The following ARHGEF18 variants were observed in gnomAD, a reference collection of about 807,000 sequenced individuals.
The protein encoded by ARHGEF18 is Rho/Rac guanine nucleotide exchange factor 18, also known as rho guanine nucleotide exchange factor 18.
A neutral mutation model predicts 155.7 loss-of-function variants in ARHGEF18; 93 were observed. That is an observed-to-expected ratio of 0.60 (90% CI 0.50 to 0.71). The LOEUF is 0.71. Among genes scored for constraint, ARHGEF18 ranks in the 30% least tolerant of loss-of-function variants. The probability of loss-of-function intolerance (pLI) is 0.00; values close to 1 mark genes in which losing one functional copy is unlikely to be tolerated. For missense variants in ARHGEF18, 1,593 were observed against 1,816.1 expected, an observed-to-expected ratio of 0.88 and a Z score of 2.23; for synonymous variants, 742 against 753.1, an observed-to-expected ratio of 0.99 and a Z score of 0.24.
rs1365601573 is a variant in ARHGEF18, at chr19:7,467,435, G to C, written c.3231G>C (p.Gln1077His). The C allele has an allele frequency of 2.0e-6, 3 of 1,531,180 alleles. No individual in the cohort carries two copies. Among genetic ancestry groups the C allele is most frequent in the Non-Finnish European group, 1.7e-6 (2 of 1,145,052 alleles). The allele number at this position is 1,531,180 out of a possible 1,614,324, so 94.8% of individuals were successfully genotyped here. The change falls in exon 26 of 29, where the codon CAG (glutamine) becomes CAC (histidine). Residue 1077 changes from glutamine to histidine, a missense_variant. Coordinates refer to ENST00000668164, the MANE Select transcript of ARHGEF18 (RefSeq NM_001367823.1). ...QQRWERERQWQHQELERAGAR... is the reference protein window; with the variant it reads ...QQRWERERQWHHQELERAGAR... ...GCTGGGAGCGCGAGCGCCAGTGGCA[G>C]CACCAGGAGCTGGAGCGTGCGGGCG...
chr19:7,476,345 ATG>A (rs1174014424), downstream of ARHGEF18, among the ~76,000 whole-genome samples: 1 of 112,256 alleles, frequency 8.9e-6, no homozygotes, highest in Non-Finnish European at 1.7e-5. Flanking sequence ...TTGATATCAC[ATG>A]AGGCCCAAGG....
intron 10 of ARHGEF18, among the ~76,000 whole-genome samples, chr19:7,411,068 C>T (rs1375672763): frequency 6.6e-6 from 1 of 151,892 alleles, no homozygotes; most frequent in Non-Finnish European, 1.5e-5. Flanking sequence ...CATCCTGATA[C>T]CAGAAAATAG....
intron 27 of ARHGEF18, 70 bp from the exon 28 acceptor site, chr19:7,469,834 C>T (rs1976904155): frequency 1.9e-6 from 3 of 1,569,070 alleles, no homozygotes; most frequent in South Asian, 2.4e-5. Flanking sequence ...CCTCTGCTCT[C>T]GGAGGCTGCC....
intron 13 of ARHGEF18, among the ~76,000 whole-genome samples, chr19:7,443,522 C>T (rs1348037537): frequency 1.3e-5 from 2 of 152,156 alleles, no homozygotes; most frequent in African/African-American, 4.8e-5. Context: ...TTCCTAAGGG[C>T]ACCAGTCCCA....
intron 1 of ARHGEF18, among the ~76,000 whole-genome samples, chr19:7,353,957 TA>T (rs587629242): frequency 2.0e-4 from 27 of 136,296 alleles, no homozygotes; most frequent in Admixed American, 2.2e-4. Context: ...AGACTCTGTC[TA>T]AAAAAAAAAA....
chr19:7,444,477 C>A lies in ARHGEF18; in HGVS notation c.1611+23C>A. On this transcript the variant is annotated intron_variant, in intron 14 of 28. Coordinates refer to ENST00000668164, the MANE Select transcript of ARHGEF18 (RefSeq NM_001367823.1). The surrounding 1 kb of genome is among the most constrained non-coding windows in gnomAD (Gnocchi z 4.7). ...CAGGTGGGTGCAGCCGTGTTCATCT[C>A]AACAGTCTTCAAAGCCTCTGCCTTG... 1 of 1,608,438 alleles carries A rather than the reference C, an allele frequency of 6.2e-7. No individual in the cohort carries two copies. Among genetic ancestry groups the A allele is most frequent in the South Asian group, 1.1e-5 (1 of 90,966 alleles).
chr19:7,373,925 A>T (rs1970322407), intron 3 of ARHGEF18, among the ~76,000 whole-genome samples: 1 of 146,766 alleles, frequency 6.8e-6, no homozygotes, highest in African/African-American at 2.6e-5. Flanking sequence ...ACACCCGGCT[A>T]ATTTTTTGTA....
intron 1 of ARHGEF18, among the ~76,000 whole-genome samples, chr19:7,352,820 G>A (rs377137724): frequency 3.3e-5 from 4 of 122,244 alleles, no homozygotes; most frequent in Non-Finnish European, 3.3e-5. Flanking sequence ...GGTGTGAGTC[G>A]CCGTGCCTGG....
At position 7,470,080 on chromosome 19, in the gene ARHGEF18, G is replaced by C; in HGVS notation, c.3914-46G>C. The C allele has an allele frequency of 6.2e-7, 1 of 1,611,294 alleles. No homozygotes were observed. Among genetic ancestry groups the C allele is most frequent in the East Asian group, 2.2e-5 (1 of 44,808 alleles). Reference sequence around the variant, plus strand: ...CCCAGTCCCAGGGCAGCGGGGCTGCGGCACCACCCGGCGACTGCTCAGTCT... The same window carrying C: ...CCCAGTCCCAGGGCAGCGGGGCTGCCGCACCACCCGGCGACTGCTCAGTCT... On this transcript the variant is annotated intron_variant, in intron 28 of 28. Coordinates refer to ENST00000668164, the MANE Select transcript of ARHGEF18 (RefSeq NM_001367823.1). The surrounding 1 kb of genome is among the most constrained non-coding windows in gnomAD (Gnocchi z 5.9).
chr19:7,375,531 T>G (rs1029953304), intron 3 of ARHGEF18, among the ~76,000 whole-genome samples, 189 bp from the exon 4 acceptor site: 6 of 152,206 alleles, frequency 3.9e-5, no homozygotes, highest in African/African-American at 1.4e-4. Context: ...GCTGGCTTTC[T>G]TTGTCCTCTC....
At chr19:7,366,645 A>G (rs10418373) in intron 2 of ARHGEF18, among the ~76,000 whole-genome samples, 17,148 of 152,190 alleles carry the variant, frequency 0.11, 2,659 homozygotes, top group African/African-American at 0.35. Context: ...TGGCTTAATC[A>G]TCTATCTTCT....
intron 10 of ARHGEF18, among the ~76,000 whole-genome samples, chr19:7,430,498 C>T (rs1973894596): frequency 6.6e-6 from 1 of 152,098 alleles, no homozygotes; most frequent in Admixed American, 6.6e-5. Context: ...CCACTGTACC[C>T]AAATACACAG....
In ARHGEF18 at chr19:7,379,154, G is replaced by T; in HGVS notation, c.632G>T (p.Arg211Leu). 1.6e-6 allele frequency: 2 copies of T among 1,232,752 alleles called. No individual in the cohort carries two copies. Among genetic ancestry groups the T allele is most frequent in the Non-Finnish European group, 1.0e-6 (1 of 988,490 alleles). 76.4% of individuals were successfully genotyped at this position (1,232,752 alleles called of 1,614,324 possible). ...GTCCAGCAGGTGCTTCAAGAACTTCGACAGTACCATGGGTAAGTGGGAATC... is the reference window on the plus strand; with the variant it reads ...GTCCAGCAGGTGCTTCAAGAACTTCTACAGTACCATGGGTAAGTGGGAATC... ...LIVQQVLQEL[R>L]QYHGARQRAC... Residue 211 changes from arginine (R) to leucine (L), a missense_variant, in exon 7 of 29, where the codon CGA becomes CTA. Transcript: ENST00000668164.
rs1173243457 is a variant in ARHGEF18 at position 7,378,435 on chromosome 19, G to A, written c.583G>A (p.Val195Met). The change falls in exon 6 of 29, where the codon GTG (valine) becomes ATG (methionine). Residue 195 changes from valine to methionine, a missense_variant. Physicochemically the swap from Val to Met is conservative, Grantham distance 21. Transcript: ENST00000668164. The stretch of plus-strand genomic sequence containing the variant: ...GCTGGAGTGCATGGAAAAAGACCAT[G>A]TGGAACCAGATCACGTGTGAGTTTC... ...PVLECMEKDHVEPDHVLIVQQ... is the reference protein window; with the variant it reads ...PVLECMEKDHMEPDHVLIVQQ... The A allele has an allele frequency of 2.4e-6, 3 of 1,234,226 alleles. No individual in the cohort carries two copies. The highest frequency in any genetic ancestry group is 3.0e-6 in the Non-Finnish European group (3 of 988,210). 76.5% of individuals were successfully genotyped at this position (1,234,226 alleles called of 1,614,324 possible). A position where few individuals can be genotyped will look rare whatever the true frequency, so the allele number is the denominator to read the frequency against.
In ARHGEF18 at chr19:7,444,354, A is replaced by G; in HGVS notation, c.1511A>G (p.His504Arg). 1 of 1,613,660 alleles carries G rather than the reference A, an allele frequency of 6.2e-7. No individual in the cohort carries two copies. Among genetic ancestry groups the G allele is most frequent in the Non-Finnish European group, 8.5e-7 (1 of 1,180,024 alleles). The change falls in exon 14 of 29, where the codon CAC becomes CGC. Residue 504 changes from histidine to arginine, a missense_variant. Transcript: ENST00000668164. This position sits in a 1 kb window ranked among gnomAD's most constrained non-coding sequence, Gnocchi z 4.7. ...GACGACCTGCTGGAGACGCACAGCC[A>G]CTTCCTCGCTCGGCTCAAGGAGCGC... Reference protein sequence around the residue: ...CADDLLETHSHFLARLKERRQ... With the variant: ...CADDLLETHSRFLARLKERRQ...
intron 10 of ARHGEF18, among the ~76,000 whole-genome samples, chr19:7,416,641 T>C (rs12463021): frequency 0.52 from 55,320 of 105,384 alleles, 18,025 homozygotes; most frequent in Middle Eastern, 0.73. Flanking sequence ...CTTGCTCTGC[T>C]GCCAAGCCTG....
intron 17 of ARHGEF18, 77 bp from the exon 18 acceptor site, chr19:7,456,250 G>A: frequency 7.6e-7 from 1 of 1,311,328 alleles, no homozygotes; most frequent in Non-Finnish European, 1.1e-6. Flanking sequence ...CCTGGGAAGT[G>A]GCATCCGCGG....
chr19:7,412,041 CTT>C (rs909533583), intron 10 of ARHGEF18, among the ~76,000 whole-genome samples: 3 of 130,492 alleles, frequency 2.3e-5, no homozygotes, highest in East Asian at 2.3e-4. Flanking sequence ...TTTGGTTTTT[CTT>C]TTTTTTTTTT....
chr19:7,354,420 G>T (rs979391914), intron 1 of ARHGEF18, among the ~76,000 whole-genome samples: 6 of 151,978 alleles, frequency 3.9e-5, no homozygotes, highest in African/African-American at 1.5e-4. Flanking sequence ...GTAAACAATT[G>T]GGAGACTGAA....
Sources: gnomAD v4.1 joint callset for allele counts (sites outside exome capture counted in the v4.1 genomes callset) on GRCh38, gnomAD v4.1.1 for gene constraint, Gnocchi (gnomAD v3.1) non-coding constraint, MANE v1.5 for transcripts, NCBI Gene and HGNC (gene_info 2026-07-23, HGNC 2026-07-21) for gene names.